The following ITPRID1 variants were observed in gnomAD, a reference collection of about 807,000 sequenced individuals.
ITPRID1 encodes the protein protein ITPRID1.
Under a neutral mutation model 95.4 loss-of-function variants are expected in ITPRID1, and 96 were observed. That is an observed-to-expected ratio of 1.01 (90% CI 0.85 to 1.19). ITPRID1 has a LOEUF of 1.19. ITPRID1 is among the 50% of genes most tolerant of loss of function. The pLI is 0.00. For missense variants in ITPRID1, 1,339 were observed against 1,252.9 expected, an observed-to-expected ratio of 1.07 and a Z score of -1.04; for synonymous variants, 510 against 453.6, an observed-to-expected ratio of 1.12 and a Z score of -1.58.
chr7:31,616,060 T>C (rs1424185242), intron 10 of ITPRID1, among the ~76,000 whole-genome samples: 2 of 152,162 alleles, frequency 1.3e-5, no homozygotes, highest in African/African-American at 4.8e-5. Context: ...CTGAGAATTC[T>C]AATTCCGTTT....
chr7:31,633,878 T>A (rs1005128789), intron 10 of ITPRID1, among the ~76,000 whole-genome samples: 1 of 152,220 alleles, frequency 6.6e-6, no homozygotes, highest in Non-Finnish European at 1.5e-5. Context: ...TGACACCCCA[T>A]CACCTCTGCT....
intron 5 of ITPRID1, among the ~76,000 whole-genome samples, chr7:31,563,443 G>A (rs888043219): frequency 2.6e-5 from 4 of 152,128 alleles, no homozygotes; most frequent in African/African-American, 9.7e-5. Context: ...TGTCATCTCA[G>A]GTTCCAGTTC....
In ITPRID1 at chr7:31,578,432, G is replaced by A. The variant is rs750063873; in HGVS notation, c.1168G>A (p.Glu390Lys). The A allele has an allele frequency of 6.2e-7, 1 of 1,600,846 alleles. No homozygotes were observed. Among genetic ancestry groups the A allele is most frequent in the Non-Finnish European group, 8.5e-7 (1 of 1,173,416 alleles). The change falls in exon 9 of 15, where the codon GAG becomes AAG. Residue 390 changes from glutamate to lysine, a missense_variant and splice_region_variant. By Grantham distance (56) the Glu-to-Lys change is moderately conservative. Transcript: ENST00000615280. ...GKGPDSFEME[E>K]VQSFEEETGN... is the part of the protein sequence containing the mutation. ...AGGACCAGACTCATTTGAAATGGAA[G>A]AGGTCAGTGCTGCACCAACGTACCA...
At chr7:31,628,070 C>T (rs8180867) in intron 10 of ITPRID1, among the ~76,000 whole-genome samples, 79,512 of 152,046 alleles carry the variant, frequency 0.52, 21,345 homozygotes, top group East Asian at 0.83. Flanking sequence ...CAGAGGGAGC[C>T]GACTACTGGA....
At chr7:31,574,821 T>C (rs761425552) in intron 8 of ITPRID1, 79 bp downstream of exon 8, 56 of 1,269,610 alleles carry the variant, frequency 4.4e-5, no homozygotes, top group Non-Finnish European at 6.2e-5. Context: ...GGCGAGGAGA[T>C]TGTGTGAAGT....
chr7:31,598,776 A>G (rs1288062238), intron 10 of ITPRID1, among the ~76,000 whole-genome samples: 1 of 152,196 alleles, frequency 6.6e-6, no homozygotes, highest in Non-Finnish European at 1.5e-5. Context: ...TAATATGAAT[A>G]TACAATTTAT....
chr7:31,565,726 A>G (rs1784776711), intron 5 of ITPRID1, among the ~76,000 whole-genome samples: 1 of 152,212 alleles, frequency 6.6e-6, no homozygotes, highest in African/African-American at 2.4e-5. Flanking sequence ...TGACAGAGCA[A>G]GACTCCATCT....
At chr7:31,597,853 T>G (rs543604066) in intron 10 of ITPRID1, among the ~76,000 whole-genome samples, 2 of 152,194 alleles carry the variant, frequency 1.3e-5, no homozygotes, top group South Asian at 4.1e-4. Context: ...GGAGAAGGAA[T>G]TTTCCCTGCT....
chr7:31,657,092 T>G (rs570316722), downstream of ITPRID1, among the ~76,000 whole-genome samples: 5 of 5,072 alleles, frequency 9.9e-4, no homozygotes, highest in African/African-American at 3.0e-3. Context: ...ATTTTATATA[T>G]GATATATATA....
chr7:31,615,733 T>A (rs1243325239), intron 10 of ITPRID1, among the ~76,000 whole-genome samples: 1 of 147,324 alleles, frequency 6.8e-6, no homozygotes, highest in Non-Finnish European at 1.5e-5. Flanking sequence ...CAGTAGCGTG[T>A]TAGAGTTTAC....
intron 5 of ITPRID1, among the ~76,000 whole-genome samples, chr7:31,556,971 T>C (rs552782734): frequency 1.7e-4 from 26 of 152,104 alleles, no homozygotes; most frequent in African/African-American, 6.3e-4. Flanking sequence ...TAGTTTCTGG[T>C]GGCTTTGGCA....
At chr7:31,639,541 T>TG (rs1372416816) in intron 10 of ITPRID1, among the ~76,000 whole-genome samples, 5 of 44,978 alleles carry the variant, frequency 1.1e-4, no homozygotes, top group African/African-American at 1.8e-4. Context: ...TGTTTTTGTT[T>TG]TTTTTTTTTT....
At position 31,551,250 on chromosome 7, in the gene ITPRID1, C is replaced by A. The variant is rs375185019; in HGVS notation, c.-24+1751C>A. ...CATTCATGCTCACAAGATAAAGGCACTGCTGAAGAGTTATGTGTTTCCTTG... is the reference window on the plus strand; with the variant it reads ...CATTCATGCTCACAAGATAAAGGCAATGCTGAAGAGTTATGTGTTTCCTTG... On this transcript the variant is annotated intron_variant, in intron 2 of 14. Transcript: ENST00000615280. Among the ~76,000 whole-genome samples, 78 of 143,800 alleles carry A rather than the reference C, an allele frequency of 5.4e-4. 2 individuals are homozygous for A. The highest frequency in any genetic ancestry group is 1.8e-3 in the African/African-American group (74 of 40,914). The allele number at this position is 143,800 out of a possible 152,430, so 94.3% of individuals were successfully genotyped here.
In ITPRID1 at chr7:31,566,403, G is replaced by T. The variant is rs10238259; in HGVS notation, c.257-3355G>T. On this transcript the variant is annotated intron_variant, in intron 5 of 14. Transcript: ENST00000615280. ...GCAAACAAAAAAGACCAAAGCAGTG[G>T]CAAGAATGTCAGTGCTGGCAGAATA... 6.6e-3 allele frequency among the ~76,000 whole-genome samples: 1,000 copies of T among 152,264 alleles called. 3 individuals carry two copies. The highest frequency in any genetic ancestry group is 0.01 in the Non-Finnish European group (704 of 68,016).
intron 10 of ITPRID1, among the ~76,000 whole-genome samples, chr7:31,613,099 G>C (rs751997151): frequency 1.3e-5 from 2 of 152,110 alleles, no homozygotes; most frequent in African/African-American, 4.8e-5. Context: ...CTCCAGAAAT[G>C]GGACTTTTTG....
chr7:31,620,119 T>A (rs1258283528), intron 10 of ITPRID1, among the ~76,000 whole-genome samples: 1 of 152,128 alleles, frequency 6.6e-6, no homozygotes, highest in Non-Finnish European at 1.5e-5. Flanking sequence ...TCCAACTGGG[T>A]GGAGCCCACC....
chr7:31,522,110 C>T (rs1237105818), intron 1 of ITPRID1, among the ~76,000 whole-genome samples: 2 of 152,052 alleles, frequency 1.3e-5, no homozygotes, highest in Admixed American at 6.6e-5. Flanking sequence ...CCAGGGACTG[C>T]GAACTCATTA....
At chr7:31,638,179 A>T (rs1406095606) in intron 10 of ITPRID1, among the ~76,000 whole-genome samples, 1 of 152,232 alleles carries the variant, frequency 6.6e-6, no homozygotes, top group Non-Finnish European at 1.5e-5. Flanking sequence ...CACAGTTGAT[A>T]TAAGGAGGAA....
chr7:31,573,440 A>T (rs1320141837), intron 7 of ITPRID1, among the ~76,000 whole-genome samples: 1 of 152,144 alleles, frequency 6.6e-6, no homozygotes, highest in Non-Finnish European at 1.5e-5. Flanking sequence ...TGCTGGTTGT[A>T]TCTGGTAAGT....
Sources: allele counts gnomAD v4.1 joint callset (sites outside exome capture counted in the v4.1 genomes callset), GRCh38; gene constraint gnomAD v4.1.1; transcripts MANE v1.5; gene names NCBI Gene and HGNC (gene_info 2026-07-23, HGNC 2026-07-21).